FAM20B: variants seen among roughly 807,000 people sequenced by gnomAD.
The protein encoded by FAM20B is FAM20B glycosaminoglycan xylosylkinase.
Under a neutral mutation model 43.8 loss-of-function variants are expected in FAM20B, and 23 were observed. The observed-to-expected ratio is 0.53, with a 90% confidence interval of 0.38 to 0.74. FAM20B has a LOEUF of 0.74. Among genes scored for constraint, FAM20B ranks in the 30% least tolerant of loss-of-function variants. The pLI is 0.00. For missense variants in FAM20B, 440 were observed against 510.5 expected, an observed-to-expected ratio of 0.86 and a Z score of 1.33; for synonymous variants, 178 against 192.4, an observed-to-expected ratio of 0.93 and a Z score of 0.62.
chr1:179,041,673 A>AGGGAGG (rs1197925548), intron 1 of FAM20B, among the ~76,000 whole-genome samples: 1 of 144,542 alleles, frequency 6.9e-6, no homozygotes, highest in Non-Finnish European at 1.5e-5. Flanking sequence ...GGAGACAGGG[A>AGGGAGG]GGGAGAGGGA....
intron 1 of FAM20B, among the ~76,000 whole-genome samples, chr1:179,028,845 AG>A (rs754880691): frequency 3.3e-5 from 5 of 152,348 alleles, no homozygotes; most frequent in Non-Finnish European, 7.3e-5. Flanking sequence ...GTATGAGGGA[AG>A]GGGAAATATT....
the FAM20B span, among the ~76,000 whole-genome samples, chr1:179,019,074 T>C: frequency 3.9e-5 from 6 of 152,244 alleles, no homozygotes; most frequent in African/African-American, 1.4e-4. Context: ...ACAGATTGGA[T>C]GCAGTCCACG....
chr1:179,031,067 C>G (rs1037510937), intron 1 of FAM20B, among the ~76,000 whole-genome samples: 12 of 152,042 alleles, frequency 7.9e-5, no homozygotes, highest in African/African-American at 2.4e-4. Context: ...GCTAAAAATG[C>G]GAGGTCTATT....
intron 1 of FAM20B, among the ~76,000 whole-genome samples, chr1:179,030,820 G>A (rs771822959): frequency 9.2e-5 from 14 of 151,644 alleles, no homozygotes; most frequent in Admixed American, 4.6e-4. Context: ...AGTACAAAGC[G>A]TGAGTAAAAT....
At chr1:179,054,875 G>T (rs1651147092) in intron 4 of FAM20B, among the ~76,000 whole-genome samples, 1 of 152,188 alleles carries the variant, frequency 6.6e-6, no homozygotes. Flanking sequence ...AGGTCATTTA[G>T]TGATGGTGAA....
At chr1:179,048,524 A>G (rs946927156) in intron 2 of FAM20B, among the ~76,000 whole-genome samples, 1 of 152,198 alleles carries the variant, frequency 6.6e-6, no homozygotes, top group African/African-American at 2.4e-5. Context: ...ACTGCACTTC[A>G]CCACATACCT....
Position 179,044,183 on chromosome 1 carries a change from G to T in FAM20B, c.336G>T (p.Leu112=). ...GYKGTQLKAL[L]ILEGGQKVVF... ...AAGGGACACAGCTGAAAGCCTTACT[G>T]ATACTTGAAGGAGGCCAGAAAGTTG... Residue 112 remains leucine, a synonymous_variant, in exon 2 of 8, where the codon CTG becomes CTT. Transcript: ENST00000263733. 6.2e-7 allele frequency: 1 copy of T among 1,612,916 alleles called. No homozygotes were observed. The highest frequency in any genetic ancestry group is 1.1e-5 in the South Asian group (1 of 91,004).
intron 7 of FAM20B, among the ~76,000 whole-genome samples, chr1:179,071,328 G>T (rs1651918334): frequency 6.6e-6 from 1 of 152,046 alleles, no homozygotes; most frequent in Admixed American, 6.5e-5. Context: ...TTTTTTCCCA[G>T]TAGAAATTAT....
chr1:179,049,627 G>A (rs558579670), intron 2 of FAM20B, among the ~76,000 whole-genome samples: 4 of 152,226 alleles, frequency 2.6e-5, no homozygotes, highest in South Asian at 4.2e-4. Context: ...TGCAACCTCC[G>A]CCTCCCAGGT....
At chr1:179,067,310 A>C (rs775046261) in intron 7 of FAM20B, among the ~76,000 whole-genome samples, 5 of 152,220 alleles carry the variant, frequency 3.3e-5, no homozygotes, top group Non-Finnish European at 7.3e-5. Context: ...TTCCATAAAT[A>C]ATAATTTATT....
intron 4 of FAM20B, among the ~76,000 whole-genome samples, chr1:179,063,414 C>T (rs957648711): frequency 3.9e-5 from 6 of 152,124 alleles, no homozygotes; most frequent in Admixed American, 6.5e-5. Context: ...GGCGAAACCC[C>T]ATCTCTACCA....
rs1439384994 is a variant in FAM20B at position 179,040,578 on chromosome 1, GGC to G, written c.-133-3136_-133-3135del. ...CCCTCCAGGACGGGGCAGCTGGCCG[GGC>G]AGAGGGGCTCCTCACTTCCCAGTAG... On this transcript the variant is annotated intron_variant, in intron 1 of 7. Transcript: ENST00000263733. 1.6e-5 allele frequency among the ~76,000 whole-genome samples: 2 copies of G among 124,674 alleles called. 1 individual carries two copies. Among genetic ancestry groups the G allele is most frequent in the African/African-American group, 6.0e-5 (2 of 33,366 alleles). The allele number at this position is 124,674 out of a possible 152,430, so 81.8% of individuals were successfully genotyped here.
chr1:179,066,488 A>T (rs1048549909), intron 6 of FAM20B, among the ~76,000 whole-genome samples: 4 of 152,098 alleles, frequency 2.6e-5, no homozygotes, highest in African/African-American at 9.7e-5. Context: ...GGGGTCTTCA[A>T]GTTCTCCCTT....
the FAM20B span, among the ~76,000 whole-genome samples, chr1:179,020,154 TACACACACAC>T: frequency 0.063 from 9,339 of 148,630 alleles, 388 homozygotes; most frequent in African/African-American, 0.11. Flanking sequence ...TGTGTGTGTA[TACACACACAC>T]ACACACACAC....
At chr1:179,049,387 ATAAACT>A (rs1164017774) in intron 2 of FAM20B, among the ~76,000 whole-genome samples, 1 of 152,190 alleles carries the variant, frequency 6.6e-6, no homozygotes, top group African/African-American at 2.4e-5. Flanking sequence ...GTACGTCATC[ATAAACT>A]TAAAAAAAAA....
rs1276885362 is a variant in FAM20B at position 179,075,785 on chromosome 1, G to A, written c.*3641G>A. 1 of 150,894 alleles carries A rather than the reference G, an allele frequency of 6.6e-6. No homozygotes were observed. Among genetic ancestry groups the A allele is most frequent in the African/African-American group, 2.4e-5 (1 of 41,020 alleles). The allele number at this position is 150,894 out of a possible 1,614,324, so 9.3% of individuals were successfully genotyped here. A position where few individuals can be genotyped will look rare whatever the true frequency, so the allele number is the denominator to read the frequency against. ...TCTTTTTTTTCTAAAAAAAAAAAAT[G>A]CTTTTGCCTTCCCTTCCCTTCCCAT... On this transcript the variant is annotated 3_prime_UTR_variant, in exon 8 of 8. Transcript: ENST00000263733.
intron 4 of FAM20B, among the ~76,000 whole-genome samples, chr1:179,063,097 T>C (rs562623080): frequency 1.3e-5 from 2 of 152,200 alleles, no homozygotes; most frequent in Admixed American, 6.5e-5. Context: ...GACCAAATGG[T>C]GAAACCCTGT....
At chr1:179,062,630 A>G (rs529301532) in intron 4 of FAM20B, among the ~76,000 whole-genome samples, 1 of 152,244 alleles carries the variant, frequency 6.6e-6, no homozygotes, top group East Asian at 1.9e-4. Flanking sequence ...AGCCTGGGCA[A>G]CAGAGCGAGA....
intron 2 of FAM20B, among the ~76,000 whole-genome samples, chr1:179,049,418 A>T (rs898520934): frequency 7.2e-5 from 11 of 152,246 alleles, no homozygotes; most frequent in African/African-American, 2.7e-4. Flanking sequence ...AAGAATGGTT[A>T]TTCAAACAAC....
Sources: allele counts gnomAD v4.1 joint callset (sites outside exome capture counted in the v4.1 genomes callset), GRCh38; gene constraint gnomAD v4.1.1; transcripts MANE v1.5; gene names NCBI Gene and HGNC (gene_info 2026-07-23, HGNC 2026-07-21).